Variants in COL15A1 observed in about 807,000 individuals in gnomAD.
COL15A1 encodes collagen type XV alpha 1 chain.
A neutral mutation model predicts 165.9 loss-of-function variants in COL15A1; 111 were observed. The observed-to-expected ratio is 0.67, with a 90% CI of 0.57 to 0.78. The LOEUF (loss-of-function observed/expected upper bound fraction) is 0.78, where lower values mean the gene tolerates loss of function less well. COL15A1 is among the 30% of genes least tolerant of loss of function. COL15A1 has a pLI of 0.00. For synonymous variants in COL15A1, 659 were observed against 674.8 expected (o/e 0.98, Z 0.36); for missense variants, 1,745 against 1,789.7 (o/e 0.98, Z 0.45).
At chr9:99,021,322 C>G (rs1839023486) in intron 12 of COL15A1, among the ~76,000 whole-genome samples, 1 of 151,280 alleles carries the variant, frequency 6.6e-6, no homozygotes, top group South Asian at 2.1e-4. Context: ...CCTCACTTCT[C>G]TCTGCCTCTG....
intron 7 of COL15A1, among the ~76,000 whole-genome samples, chr9:99,003,186 C>A (rs10988530): frequency 0.11 from 16,740 of 152,288 alleles, 1,067 homozygotes; most frequent in East Asian, 0.26. Flanking sequence ...GTAGAAGTAT[C>A]TAGAGCTAGA....
chr9:98,984,581 T>C (rs967115275), intron 2 of COL15A1, among the ~76,000 whole-genome samples: 1 of 152,236 alleles, frequency 6.6e-6, no homozygotes, highest in Non-Finnish European at 1.5e-5. Context: ...CATGAGCTAA[T>C]GTATGCAGAG....
In COL15A1 at chr9:99,054,577, T is replaced by C. The variant is rs141469032; in HGVS notation, c.2952T>C (p.Gly984=). Residue 984 remains glycine (G), a splice_region_variant and synonymous_variant, in exon 32 of 42, where the codon GGT becomes GGC. Coordinates refer to ENST00000375001, the MANE Select transcript of COL15A1 (RefSeq NM_001855.5). ...TAACATGTATGTGTTTGGTGGCAGG[T>C]GTTAAAGGAGAGAAAGGATCCTGGG... ...PGSPELITFH[G]VKGEKGSWGL... 131 of 1,609,594 alleles carry C rather than the reference T, an allele frequency of 8.1e-5. No homozygotes were observed. The African/African-American group carries it at 1.5e-3, about 19-fold the overall frequency.
At chr9:99,035,238 G>A in intron 18 of COL15A1, 84 bp downstream of exon 18, 2 of 1,589,298 alleles carry the variant, frequency 1.3e-6, no homozygotes, top group South Asian at 1.1e-5. Context: ...CCTGGTCTCA[G>A]GGCAGAGGCT....
At chr9:98,975,526 C>T (rs547218237) in intron 2 of COL15A1, among the ~76,000 whole-genome samples, 1 of 152,352 alleles carries the variant, frequency 6.6e-6, no homozygotes, top group East Asian at 1.9e-4. Context: ...GAAGGAAAAC[C>T]TGAACCCTGC....
chr9:99,066,355 A>G (rs1409375429), intron 39 of COL15A1, among the ~76,000 whole-genome samples: 1 of 152,204 alleles, frequency 6.6e-6, no homozygotes, highest in Non-Finnish European at 1.5e-5. Context: ...AGTCTTAGTC[A>G]TAGGTGCCAT....
chr9:99,050,063 C>T (rs568332214), intron 30 of COL15A1, among the ~76,000 whole-genome samples, 168 bp downstream of exon 30: 49 of 152,234 alleles, frequency 3.2e-4, no homozygotes, highest in African/African-American at 1.1e-3. Flanking sequence ...GATAACAGGT[C>T]GTGGCAATGA....
intron 2 of COL15A1, among the ~76,000 whole-genome samples, chr9:98,958,251 G>T (rs923893198): frequency 6.6e-6 from 1 of 152,224 alleles, no homozygotes; most frequent in Admixed American, 6.5e-5. Context: ...AATTCTAAAA[G>T]CATCGTTAGC....
At chr9:99,017,476 G>T (rs902056045) in intron 11 of COL15A1, among the ~76,000 whole-genome samples, 4 of 152,190 alleles carry the variant, frequency 2.6e-5, no homozygotes, top group African/African-American at 9.7e-5. Flanking sequence ...TAGGCCCTGG[G>T]CCTCCTTGTC....
chr9:99,013,032 C>T (rs952316964), intron 9 of COL15A1, among the ~76,000 whole-genome samples: 4 of 151,878 alleles, frequency 2.6e-5, no homozygotes, highest in Non-Finnish European at 4.4e-5. Context: ...TTTTAAGGGA[C>T]GAACTGAGCT....
chr9:99,042,711 C>G (rs1407433551), intron 24 of COL15A1, among the ~76,000 whole-genome samples: 3 of 152,210 alleles, frequency 2.0e-5, no homozygotes, highest in Non-Finnish European at 4.4e-5. Flanking sequence ...AGTTGAACAA[C>G]AGTCTTGGTC....
At position 99,036,187 on chromosome 9, in the gene COL15A1, A is replaced by G. The variant is rs773894373; in HGVS notation, c.2307A>G (p.Lys769=). The change falls in exon 20 of 42, where the codon AAA becomes AAG. Residue 769 remains lysine, a synonymous_variant. Transcript: ENST00000375001. The part of the protein sequence containing the change: ...PTAAIGLKGE[K]GDRGPKGERG... ...TTTTCCAGGGTCTCAAAGGAGAGAA[A>G]GGAGACCGGGGACCCAAGGTGAGGT... 6.2e-7 allele frequency: 1 copy of G among 1,608,618 alleles called. No individual in the cohort carries two copies. The highest frequency in any genetic ancestry group is 8.5e-7 in the Non-Finnish European group (1 of 1,175,392).
chr9:98,966,959 T>C (rs1488843976), intron 2 of COL15A1, among the ~76,000 whole-genome samples: 1 of 152,186 alleles, frequency 6.6e-6, no homozygotes, highest in East Asian at 1.9e-4. Flanking sequence ...ATCACGCTAG[T>C]CTAGAGTCCA....
At chr9:99,019,110 C>T (rs981115529) in intron 11 of COL15A1, among the ~76,000 whole-genome samples, 2 of 152,166 alleles carry the variant, frequency 1.3e-5, no homozygotes, top group Non-Finnish European at 2.9e-5. Context: ...CAGATGAATG[C>T]CCCGATTCCT....
chr9:99,059,980 A>T, intron 36 of COL15A1, 27 bp downstream of exon 36: 1 of 1,610,048 alleles, frequency 6.2e-7, no homozygotes, highest in Non-Finnish European at 8.5e-7. Context: ...GTGTGTAGTC[A>T]TCATTCCATT....
chr9:98,987,180 CTCAT>C, intron 3 of COL15A1, 110 bp from the exon 4 acceptor site: 1 of 1,013,516 alleles, frequency 9.9e-7, no homozygotes, highest in East Asian at 2.5e-5. Context: ...GCTGTACATC[CTCAT>C]TCCCACGCTT....
chr9:99,007,415 C>T (rs1838780722), intron 9 of COL15A1, among the ~76,000 whole-genome samples: 1 of 152,074 alleles, frequency 6.6e-6, no homozygotes, highest in Non-Finnish European at 1.5e-5. Context: ...TTTCACATTT[C>T]CCCCTTTTTA....
rs1411396901 is a variant in COL15A1, at chr9:98,944,177, G to A, written c.27G>A (p.Gln9=). MAPRRNNG[Q]CWCLLMLLSV... ...CATCTTGCAGGAGGAACAACGGGCA[G>A]TGCTGGTGTCTGCTGATGCTGCTCT... The change falls in exon 2 of 42, where the codon CAG becomes CAA. Residue 9 remains glutamine (Q), a synonymous_variant. Transcript: ENST00000375001. The A allele has an allele frequency of 6.2e-7, 1 of 1,614,132 alleles. No individual in the cohort carries two copies.
At chr9:98,975,819 G>T (rs1266752903) in intron 2 of COL15A1, among the ~76,000 whole-genome samples, 1 of 152,204 alleles carries the variant, frequency 6.6e-6, no homozygotes, top group Admixed American at 6.5e-5. Flanking sequence ...TAGAGGAGGG[G>T]GGATGACTTT....
Sources: gnomAD v4.1 joint callset for allele counts (sites outside exome capture counted in the v4.1 genomes callset) on GRCh38, gnomAD v4.1.1 for gene constraint, MANE v1.5 for transcripts, NCBI Gene and HGNC (gene_info 2026-07-23, HGNC 2026-07-21) for gene names.